CUL3: variants seen among roughly 807,000 people sequenced by gnomAD.
CUL3 encodes the protein cullin 3.
In CUL3, 19 loss-of-function variants were observed where a neutral mutation model predicts 89.1. The observed-to-expected ratio is 0.21, with a 90% CI of 0.15 to 0.31. The LOEUF is 0.31. Among genes scored for constraint, CUL3 ranks in the 10% least tolerant of loss-of-function variants. The probability of loss-of-function intolerance (pLI) is 1.00; values close to 1 mark genes in which losing one functional copy is unlikely to be tolerated. For missense variants in CUL3, 469 were observed against 942.3 expected (o/e 0.50, Z 6.58); for synonymous variants, 351 against 308.4 (o/e 1.14, Z -1.45).
chr2:224,554,694 G>A (rs1034972141), intron 2 of CUL3, among the ~76,000 whole-genome samples: 2 of 152,082 alleles, frequency 1.3e-5, no homozygotes, highest in Admixed American at 1.3e-4. Flanking sequence ...ACTAGAACTG[G>A]GCCTAGCACA....
chr2:224,493,150 G>A (rs532201246), intron 13 of CUL3, among the ~76,000 whole-genome samples: 5 of 152,232 alleles, frequency 3.3e-5, no homozygotes, highest in African/African-American at 9.6e-5. Context: ...CCACAGAAAC[G>A]AGAGATAATA....
intron 13 of CUL3, among the ~76,000 whole-genome samples, chr2:224,484,240 C>T (rs1466724): frequency 2.0e-5 from 3 of 152,036 alleles, no homozygotes; most frequent in African/African-American, 4.8e-5. Flanking sequence ...TTTAACCCCC[C>T]ACAAAAATAG....
chr2:224,507,299 A>G (rs992143862), intron 6 of CUL3, among the ~76,000 whole-genome samples: 1 of 152,176 alleles, frequency 6.6e-6, no homozygotes, highest in African/African-American at 2.4e-5. Context: ...ATAATAAACA[A>G]GTAATGTCAC....
intron 13 of CUL3, among the ~76,000 whole-genome samples, chr2:224,487,981 C>G (rs1037847389): frequency 6.6e-6 from 1 of 152,192 alleles, no homozygotes; most frequent in Non-Finnish European, 1.5e-5. Flanking sequence ...ACTGAACAAC[C>G]TGTTCCTGAA....
intron 13 of CUL3, among the ~76,000 whole-genome samples, chr2:224,489,235 A>G (rs1169184189): frequency 2.0e-5 from 3 of 152,242 alleles, no homozygotes; most frequent in Non-Finnish European, 4.4e-5. Flanking sequence ...GCTATTCAAC[A>G]TAGGATTGCA....
At chr2:224,550,686 A>G (rs1233064927) in intron 2 of CUL3, among the ~76,000 whole-genome samples, 2 of 152,212 alleles carry the variant, frequency 1.3e-5, no homozygotes, top group Non-Finnish European at 2.9e-5. Context: ...ACAATCTGCT[A>G]GCAGGTAACG....
At chr2:224,492,010 T>C (rs986175464) in intron 13 of CUL3, among the ~76,000 whole-genome samples, 2 of 152,186 alleles carry the variant, frequency 1.3e-5, no homozygotes, top group East Asian at 1.9e-4. Flanking sequence ...CTTGCTAATA[T>C]TGAGATTTAT....
At chr2:224,498,336 G>A (rs1449943723) in intron 11 of CUL3, among the ~76,000 whole-genome samples, 2 of 152,036 alleles carry the variant, frequency 1.3e-5, no homozygotes, top group Admixed American at 6.5e-5. Context: ...CTTTGTTTTT[G>A]TTGTTCAAAA....
At chr2:224,507,910 C>G (rs555162701) in intron 6 of CUL3, among the ~76,000 whole-genome samples, 2 of 152,170 alleles carry the variant, frequency 1.3e-5, no homozygotes, top group South Asian at 4.1e-4. Context: ...AGATCAGAGG[C>G]TGACCAATGT....
At position 224,513,503 on chromosome 2, in the gene CUL3, A is replaced by T. The variant is rs574637895; in HGVS notation, c.654+21T>A. On this transcript the variant is annotated intron_variant, in intron 5 of 15. Transcript: ENST00000264414. ...TTAAGAACATCTTAAAAGATTATTT[A>T]TTTACATTTTCACGGATTACCTGAA... The T allele has an allele frequency of 2.8e-4, 370 of 1,333,050 alleles. 3 individuals are homozygous for T. Among genetic ancestry groups the T allele is most frequent in the Middle Eastern group, 7.6e-4 (4 of 5,296 alleles). The allele number at this position is 1,333,050 out of a possible 1,614,324, so 82.6% of individuals were successfully genotyped here.
chr2:224,577,385 G>A (rs1036465854), intron 1 of CUL3, among the ~76,000 whole-genome samples: 33 of 152,048 alleles, frequency 2.2e-4, no homozygotes, highest in African/African-American at 7.7e-4. Flanking sequence ...TGGCTAACAC[G>A]GTGAAACCCC....
At chr2:224,501,066 C>T (rs745928866) in intron 10 of CUL3, among the ~76,000 whole-genome samples, 5 of 152,136 alleles carry the variant, frequency 3.3e-5, no homozygotes, top group Non-Finnish European at 7.4e-5. Context: ...TCAAGTCTTA[C>T]TGTTATCACT....
intron 3 of CUL3, among the ~76,000 whole-genome samples, chr2:224,518,070 T>C (rs1693132725): frequency 1.3e-5 from 2 of 152,216 alleles, no homozygotes; most frequent in South Asian, 4.1e-4. Flanking sequence ...TGGAAGATTA[T>C]ACTGGAAAAG....
chr2:224,581,118 C>T (rs748127982), intron 1 of CUL3, among the ~76,000 whole-genome samples: 2 of 152,058 alleles, frequency 1.3e-5, no homozygotes, highest in African/African-American at 2.4e-5. Flanking sequence ...AACTATTGGC[C>T]GGGCGTGGCG....
intron 1 of CUL3, chr2:224,563,456 C>A (rs1194901810): frequency 7.9e-6 from 2 of 253,038 alleles, no homozygotes; most frequent in South Asian, 8.1e-5. Context: ...GTGTGCACTT[C>A]TTTTCTGGAG....
At chr2:224,542,235 C>A (rs1694136786) in intron 2 of CUL3, among the ~76,000 whole-genome samples, 1 of 152,172 alleles carries the variant, frequency 6.6e-6, no homozygotes, top group South Asian at 2.1e-4. Context: ...AACTTGACCA[C>A]TATTCTTTGT....
intron 3 of CUL3, among the ~76,000 whole-genome samples, chr2:224,525,061 GA>G (rs144468827): frequency 2.7e-4 from 38 of 138,824 alleles, no homozygotes; most frequent in South Asian, 1.1e-3. Flanking sequence ...AGATGAGACA[GA>G]AAAAAAAAAC....
At chr2:224,536,923 A>G (rs1318022772) in intron 2 of CUL3, among the ~76,000 whole-genome samples, 4 of 152,178 alleles carry the variant, frequency 2.6e-5, no homozygotes, top group African/African-American at 4.8e-5. Flanking sequence ...TATACTGCCA[A>G]CTTCTACAGT....
intron 2 of CUL3, among the ~76,000 whole-genome samples, chr2:224,538,740 C>CA (rs988937256): frequency 2.6e-5 from 4 of 152,122 alleles, no homozygotes; most frequent in Non-Finnish European, 5.9e-5. Context: ...CCAGCTGTGA[C>CA]AAAAAAGATG....
Sources: allele counts gnomAD v4.1 joint callset (sites outside exome capture counted in the v4.1 genomes callset), GRCh38; gene constraint gnomAD v4.1.1; transcripts MANE v1.5; gene names NCBI Gene and HGNC (gene_info 2026-07-23, HGNC 2026-07-21).